ARMH3: variants seen among roughly 807,000 people sequenced by gnomAD.
ARMH3 encodes armadillo like helical domain containing 3.
A neutral mutation model predicts 99.1 loss-of-function variants in ARMH3; 60 were observed. That is an observed-to-expected ratio of 0.61 (90% CI 0.49 to 0.75). ARMH3 has a LOEUF of 0.75. Among genes scored for constraint, ARMH3 ranks in the 30% least tolerant of loss-of-function variants. The pLI is 0.00. For missense variants in ARMH3, 679 were observed against 843.1 expected, an observed-to-expected ratio of 0.81 and a Z score of 2.41; for synonymous variants, 285 against 292.8, an observed-to-expected ratio of 0.97 and a Z score of 0.27.
In ARMH3 at chr10:101,995,287, T is replaced by C; in HGVS notation, c.1209+10A>G. The stretch of plus-strand genomic sequence containing the variant: ...AGACTGCCTAATAGCAGAAGGCTCG[T>C]GAGACCTACCTCTGCAATACATGTA... On this transcript the variant is annotated intron_variant, in intron 16 of 25. Transcript: ENST00000370033. The C allele has an allele frequency of 1.2e-6, 2 of 1,606,280 alleles. No homozygotes were observed. The highest frequency in any genetic ancestry group is 2.2e-5 in the South Asian group (2 of 90,836).
intron 23 of ARMH3, among the ~76,000 whole-genome samples, chr10:101,931,683 T>A (rs1289297566): frequency 3.9e-5 from 6 of 152,136 alleles, no homozygotes; most frequent in African/African-American, 1.4e-4. Context: ...CTAGGGAGGC[T>A]GAGGCAGGAG....
chr10:101,945,520 C>T (rs1222026494), intron 22 of ARMH3, among the ~76,000 whole-genome samples: 5 of 152,048 alleles, frequency 3.3e-5, no homozygotes, highest in Admixed American at 3.3e-4. Flanking sequence ...GAGTTCGAGA[C>T]CAGCCTGACC....
Position 102,018,644 on chromosome 10 carries a change from T to C in ARMH3, c.670-4620A>G, listed in dbSNP as rs191141488. Among the ~76,000 whole-genome samples the C allele has an allele frequency of 9.9e-5, 15 of 152,280 alleles. No homozygotes were observed. In the East Asian group the frequency reaches 1.9e-3, roughly 20 times the overall value. ...GTAAAGAAACCTACTGTGCTGCCAG[T>C]CATATAAAAGTGTAGCACATACAAT... is the stretch of plus-strand genomic sequence containing the variant. On this transcript the variant is annotated intron_variant, in intron 8 of 25. Transcript: ENST00000370033.
At chr10:101,954,009 T>C (rs974739640) in intron 22 of ARMH3, among the ~76,000 whole-genome samples, 6 of 152,052 alleles carry the variant, frequency 3.9e-5, no homozygotes, top group Admixed American at 3.3e-4. Context: ...CTGGGCAACA[T>C]GGCGAAACCC....
intron 15 of ARMH3, 78 bp from the exon 16 acceptor site, chr10:101,995,433 T>C: frequency 1.6e-6 from 2 of 1,218,702 alleles, no homozygotes; most frequent in Non-Finnish European, 2.4e-6. Flanking sequence ...CAAGGACGTA[T>C]ATCATAAAAG....
chr10:102,047,945 T>C (rs1347982427), intron 1 of ARMH3, among the ~76,000 whole-genome samples: 1 of 152,202 alleles, frequency 6.6e-6, no homozygotes, highest in African/African-American at 2.4e-5. Flanking sequence ...CCAGGGATGC[T>C]GTTAAACATC....
At chr10:102,034,820 A>G (rs1488331824) in intron 2 of ARMH3, among the ~76,000 whole-genome samples, 1 of 152,116 alleles carries the variant, frequency 6.6e-6, no homozygotes, top group Non-Finnish European at 1.5e-5. Context: ...AGGCAGGAGA[A>G]TCGCTTGAAC....
intron 23 of ARMH3, among the ~76,000 whole-genome samples, chr10:101,907,273 A>C (rs1304953449): frequency 6.6e-6 from 1 of 152,046 alleles, no homozygotes; most frequent in East Asian, 1.9e-4. Flanking sequence ...AAAGAAAAGT[A>C]TTTACTGAGA....
intron 23 of ARMH3, among the ~76,000 whole-genome samples, chr10:101,935,816 G>A (rs940372346): frequency 2.6e-5 from 4 of 152,308 alleles, no homozygotes; most frequent in Admixed American, 2.6e-4. Context: ...AGAAACAAAT[G>A]CTGCACAACA....
chr10:101,963,943 C>T (rs1845425621), intron 20 of ARMH3, among the ~76,000 whole-genome samples: 1 of 140,804 alleles, frequency 7.1e-6, no homozygotes, highest in Admixed American at 7.4e-5. Flanking sequence ...GTGGTGTGAT[C>T]TCGGCTCACT....
chr10:101,908,724 C>A (rs911924908), intron 23 of ARMH3, among the ~76,000 whole-genome samples: 1 of 148,616 alleles, frequency 6.7e-6, no homozygotes, highest in Non-Finnish European at 1.5e-5. Context: ...AGTGCAATGG[C>A]GCAGTCTCAG....
intron 4 of ARMH3, among the ~76,000 whole-genome samples, chr10:102,031,066 G>A (rs976756946): frequency 2.0e-5 from 3 of 152,146 alleles, no homozygotes; most frequent in Non-Finnish European, 2.9e-5. Context: ...TTACAGGCGT[G>A]AGCCACCACG....
At chr10:101,953,634 G>A (rs1305173706) in intron 22 of ARMH3, among the ~76,000 whole-genome samples, 1 of 150,152 alleles carries the variant, frequency 6.7e-6, no homozygotes, top group African/African-American at 2.5e-5. Context: ...AGGAAAAGAT[G>A]CTCAACATCA....
intron 19 of ARMH3, among the ~76,000 whole-genome samples, chr10:101,988,301 A>G (rs1489601632): frequency 6.6e-6 from 1 of 152,214 alleles, no homozygotes; most frequent in Non-Finnish European, 1.5e-5. Context: ...AAAAATTGAA[A>G]CTACAGTAAT....
intron 24 of ARMH3, among the ~76,000 whole-genome samples, chr10:101,852,185 T>A (rs1250169908): frequency 6.6e-6 from 1 of 152,204 alleles, no homozygotes; most frequent in African/African-American, 2.4e-5. Context: ...AGGACAAACA[T>A]CATGCTAAAG....
chr10:102,053,819 C>T (rs534841575), intron 1 of ARMH3, among the ~76,000 whole-genome samples: 11 of 152,124 alleles, frequency 7.2e-5, no homozygotes, highest in African/African-American at 2.2e-4. Flanking sequence ...CCACCACACC[C>T]GGCTAATTTT....
chr10:102,033,004 C>T (rs746244388), intron 4 of ARMH3, 22 bp downstream of exon 4: 2 of 1,611,704 alleles, frequency 1.2e-6, no homozygotes, highest in South Asian at 2.2e-5. Context: ...AACAAGACTT[C>T]CCCAGTCTCC....
At chr10:101,975,427 C>CA in intron 19 of ARMH3, 127 bp from the exon 20 acceptor site, 4 of 589,998 alleles carry the variant, frequency 6.8e-6, no homozygotes, top group Admixed American at 2.7e-5. Context: ...TGTATACATG[C>CA]AAAAAAATAT....
chr10:101,979,967 C>T (rs1319951342), intron 19 of ARMH3, among the ~76,000 whole-genome samples: 1 of 152,142 alleles, frequency 6.6e-6, no homozygotes, highest in Non-Finnish European at 1.5e-5. Context: ...AATCCAGATT[C>T]TAAGTCTCAC....
Sources: gnomAD v4.1 joint callset for allele counts (sites outside exome capture counted in the v4.1 genomes callset) on GRCh38, gnomAD v4.1.1 for gene constraint, MANE v1.5 for transcripts, NCBI Gene and HGNC (gene_info 2026-07-23, HGNC 2026-07-21) for gene names.